The following LRBA variants were observed in gnomAD, a reference collection of about 807,000 sequenced individuals.
LRBA encodes the protein lipopolysaccharide-responsive and beige-like anchor protein.
Under a neutral mutation model 330.0 loss-of-function variants are expected in LRBA, and 176 were observed. That is an observed-to-expected ratio of 0.53 (90% CI 0.47 to 0.60). The LOEUF (loss-of-function observed/expected upper bound fraction) is 0.60. Ranked by LOEUF, LRBA falls within the 20% of genes least tolerant of loss-of-function variation. The pLI, the probability that LRBA is intolerant of heterozygous loss-of-function variation, is 0.00. For missense variants in LRBA, 3,259 were observed against 3,444.8 expected (o/e 0.95, Z 1.35); for synonymous variants, 1,230 against 1,193.0 (o/e 1.03, Z -0.64).
chr4:150,506,208 T>C (rs940997491), intron 40 of LRBA, among the ~76,000 whole-genome samples: 5 of 152,158 alleles, frequency 3.3e-5, no homozygotes, highest in African/African-American at 1.2e-4. Flanking sequence ...AAAGAGGGAA[T>C]CCTCCCTAAC....
chr4:150,300,117 T>C (rs1178735969), intron 53 of LRBA, among the ~76,000 whole-genome samples: 1 of 152,098 alleles, frequency 6.6e-6, no homozygotes, highest in Non-Finnish European at 1.5e-5. Context: ...AAAGCGTAGA[T>C]TGCATTTTCC....
At chr4:150,937,855 A>T (rs1224119063) in intron 2 of LRBA, among the ~76,000 whole-genome samples, 1 of 152,154 alleles carries the variant, frequency 6.6e-6, no homozygotes, top group Non-Finnish European at 1.5e-5. Context: ...TTAAGCTGAC[A>T]TTAGTCACTA....
chr4:150,653,608 T>C (rs2126779375), intron 37 of LRBA, among the ~76,000 whole-genome samples: 1 of 152,292 alleles, frequency 6.6e-6, no homozygotes. Flanking sequence ...TGCTACCAGA[T>C]TGTTTGTCAT....
intron 55 of LRBA, among the ~76,000 whole-genome samples, chr4:150,281,027 G>A (rs1477801697): frequency 6.6e-6 from 1 of 152,226 alleles, no homozygotes; most frequent in Non-Finnish European, 1.5e-5. Flanking sequence ...AAGCATGTGT[G>A]TATGAATGGT....
intron 12 of LRBA, 45 bp from the exon 13 acceptor site, chr4:150,906,035 G>T (rs752048667): frequency 6.4e-7 from 1 of 1,557,436 alleles, no homozygotes; most frequent in South Asian, 1.1e-5. Flanking sequence ...TCAAGTCAAA[G>T]TAAGTGAATT....
At chr4:150,434,197 C>T (rs1285610084) in intron 46 of LRBA, among the ~76,000 whole-genome samples, 3 of 151,966 alleles carry the variant, frequency 2.0e-5, no homozygotes, top group Non-Finnish European at 4.4e-5. Flanking sequence ...CTATAAGGAA[C>T]TTCAAAACCA....
At chr4:150,639,683 A>C (rs1162612786) in intron 37 of LRBA, among the ~76,000 whole-genome samples, 2 of 138,562 alleles carry the variant, frequency 1.4e-5, no homozygotes, top group Non-Finnish European at 3.1e-5. Flanking sequence ...AGAATGTTCT[A>C]CTGTATATCA....
At chr4:150,530,284 T>C (rs1315007809) in intron 40 of LRBA, among the ~76,000 whole-genome samples, 9 of 152,096 alleles carry the variant, frequency 5.9e-5, no homozygotes, top group Non-Finnish European at 1.3e-4. Context: ...AAAAGTGATC[T>C]AGGAAAAGAA....
chr4:150,692,872 G>A (rs1784261796), intron 36 of LRBA, among the ~76,000 whole-genome samples: 1 of 152,162 alleles, frequency 6.6e-6, no homozygotes, highest in Non-Finnish European at 1.5e-5. Context: ...GCAAGATAGT[G>A]TGACAATATC....
intron 37 of LRBA, among the ~76,000 whole-genome samples, chr4:150,639,819 G>A (rs13101885): frequency 0.11 from 473 of 4,372 alleles, 28 homozygotes; most frequent in African/African-American, 0.19. Flanking sequence ...GTGTGTGTGT[G>A]TATATATATA....
Position 150,270,383 on chromosome 4 carries a change from T to A in LRBA, c.8469-4571A>T, listed in dbSNP as rs573404099. On this transcript the variant is annotated intron_variant, in intron 56 of 56. Transcript: ENST00000651943. Reference sequence around the variant, plus strand: ...ATTCATATAATATTCTGATACGTGCTACGACATGCAAGAACCTTGAAAGTG... The same window carrying A: ...ATTCATATAATATTCTGATACGTGCAACGACATGCAAGAACCTTGAAAGTG... 4.6e-5 allele frequency among the ~76,000 whole-genome samples: 7 copies of A among 152,342 alleles called. No homozygotes were observed. In the South Asian group the frequency reaches 1.4e-3, roughly 32 times the overall value.
intron 36 of LRBA, among the ~76,000 whole-genome samples, chr4:150,686,621 G>T (rs1218038562): frequency 1.3e-5 from 2 of 152,056 alleles, no homozygotes; most frequent in Admixed American, 6.6e-5. Context: ...GACATTCACA[G>T]AACTGTAAAC....
At chr4:150,462,648 A>G (rs1332424250) in intron 44 of LRBA, among the ~76,000 whole-genome samples, 1 of 151,852 alleles carries the variant, frequency 6.6e-6, no homozygotes, top group Admixed American at 6.6e-5. Flanking sequence ...CAAAGGTACT[A>G]AAAGTCCTCT....
At chr4:150,489,441 T>TAATATATTACATATAAGAATATAA (rs1758515631) in intron 41 of LRBA, among the ~76,000 whole-genome samples, 3 of 23,424 alleles carry the variant, frequency 1.3e-4, no homozygotes, top group African/African-American at 2.5e-4. Context: ...TAAGAATATA[T>TAATATATTACATATAAGAATATAA]AATATATTAT....
Position 150,893,038 on chromosome 4 carries a change from T to C in LRBA, c.2165+14A>G, listed in dbSNP as rs756200700. The C allele has an allele frequency of 1.2e-5, 18 of 1,537,858 alleles. No homozygotes were observed. In the Admixed American group the frequency reaches 3.1e-4, roughly 26 times the overall value. ...AAACTAATCCCTTATATGAAATAGA[T>C]TAAAAACTCTTACCGTAACCCATTC... On this transcript the variant is annotated intron_variant, in intron 17 of 56. Transcript: ENST00000651943.
chr4:150,454,248 C>A (rs1309000094), intron 44 of LRBA, among the ~76,000 whole-genome samples: 2 of 152,062 alleles, frequency 1.3e-5, no homozygotes, highest in Non-Finnish European at 2.9e-5. Flanking sequence ...CGTGAGCCAC[C>A]ACAACCAACC....
intron 30 of LRBA, among the ~76,000 whole-genome samples, chr4:150,819,838 C>T (rs2126778325): frequency 6.6e-6 from 1 of 152,122 alleles, no homozygotes; most frequent in African/African-American, 2.4e-5. Context: ...TTCTTTTATT[C>T]AGTTCAGTAA....
intron 36 of LRBA, among the ~76,000 whole-genome samples, chr4:150,731,956 C>G (rs1185650540): frequency 6.6e-6 from 1 of 152,058 alleles, no homozygotes; most frequent in Non-Finnish European, 1.5e-5. Context: ...TCATGTACTA[C>G]ATAAATATAT....
chr4:150,530,463 G>A (rs979539271), intron 40 of LRBA, among the ~76,000 whole-genome samples: 1 of 152,166 alleles, frequency 6.6e-6, no homozygotes, highest in Non-Finnish European at 1.5e-5. Context: ...ACATCCATGT[G>A]CCTGAGGGAG....
Sources: allele counts gnomAD v4.1 joint callset (sites outside exome capture counted in the v4.1 genomes callset), GRCh38; gene constraint gnomAD v4.1.1; transcripts MANE v1.5; gene names NCBI Gene and HGNC (gene_info 2026-07-23, HGNC 2026-07-21).